The following PPP2R3A variants were observed in gnomAD, a reference collection of about 807,000 sequenced individuals.
PPP2R3A encodes protein phosphatase 2 regulatory subunit B''alpha.
PPP2R3A carries 80 observed loss-of-function variants against 106.9 expected under a neutral mutation model. The observed-to-expected ratio is 0.75, with a 90% CI of 0.62 to 0.90. PPP2R3A has a LOEUF of 0.90. PPP2R3A is among the 40% of genes least tolerant of loss of function. The pLI is 0.00. For missense variants in PPP2R3A, 1,386 were observed against 1,350.4 expected, an observed-to-expected ratio of 1.03 and a Z score of -0.41; for synonymous variants, 483 against 468.3, an observed-to-expected ratio of 1.03 and a Z score of -0.41.
intron 13 of PPP2R3A, among the ~76,000 whole-genome samples, chr3:136,130,656 C>G (rs1219812187): frequency 6.6e-6 from 1 of 152,156 alleles, no homozygotes; most frequent in Non-Finnish European, 1.5e-5. Context: ...TTGGAAAAAA[C>G]TACTTTAAAA....
In PPP2R3A at chr3:136,087,906, A is replaced by C. The variant is rs1936995534; in HGVS notation, c.2812A>C (p.Arg938=). ...AGCTTCATCAAGCAGGATTATTGAA[A>C]GGATATTCTCTGGTGCAGTAACAAG... The part of the protein sequence containing the change: ...DQASSSRIIE[R]IFSGAVTRGK... The change falls in exon 9 of 14, where the codon AGG becomes CGG. Residue 938 remains arginine, a synonymous_variant. Coordinates refer to ENST00000264977, the MANE Select transcript of PPP2R3A (RefSeq NM_002718.5). The C allele has an allele frequency of 6.2e-7, 1 of 1,610,940 alleles. No individual in the cohort carries two copies.
chr3:135,991,460 TA>T (rs1933156568), intron 1 of PPP2R3A, among the ~76,000 whole-genome samples: 1 of 152,200 alleles, frequency 6.6e-6, no homozygotes, highest in Non-Finnish European at 1.5e-5. Context: ...AAGAATTTTT[TA>T]AAATTAGAAA....
intron 2 of PPP2R3A, among the ~76,000 whole-genome samples, chr3:136,019,369 A>G (rs919839170): frequency 3.2e-4 from 48 of 151,996 alleles, no homozygotes; most frequent in African/African-American, 9.4e-4. Flanking sequence ...ATGATTCTCT[A>G]TTTTTCCTCA....
chr3:136,058,642 T>G (rs570772244), intron 5 of PPP2R3A, among the ~76,000 whole-genome samples: 1 of 152,010 alleles, frequency 6.6e-6, no homozygotes, highest in Admixed American at 6.6e-5. Flanking sequence ...TTTACAGAAA[T>G]AGGAAATAGA....
intron 4 of PPP2R3A, among the ~76,000 whole-genome samples, chr3:136,042,634 G>T (rs1163544564): frequency 6.6e-6 from 1 of 152,178 alleles, no homozygotes; most frequent in Non-Finnish European, 1.5e-5. Context: ...AAAAAGCGGG[G>T]GAAAGACATG....
intron 13 of PPP2R3A, among the ~76,000 whole-genome samples, chr3:136,138,059 AAAAG>A (rs762757620): frequency 1.1e-4 from 16 of 152,188 alleles, no homozygotes; most frequent in Admixed American, 2.6e-4. Context: ...TAGGGAAAGA[AAAAG>A]AAGGAATGAC....
At chr3:136,008,360 C>T (rs1933917772) in intron 2 of PPP2R3A, among the ~76,000 whole-genome samples, 1 of 152,160 alleles carries the variant, frequency 6.6e-6, no homozygotes, top group Admixed American at 6.5e-5. Context: ...ATTCTCTCCT[C>T]CTCTCAATTG....
intron 12 of PPP2R3A, among the ~76,000 whole-genome samples, chr3:136,105,654 C>G (rs1249290026): frequency 2.7e-5 from 4 of 150,590 alleles, no homozygotes; most frequent in African/African-American, 1.0e-4. Context: ...GAGACCCTAT[C>G]TCTTTTAAAA....
At chr3:135,972,951 T>C (rs1937289622) in intron 1 of PPP2R3A, among the ~76,000 whole-genome samples, 1 of 152,222 alleles carries the variant, frequency 6.6e-6, no homozygotes, top group Admixed American at 6.5e-5. Context: ...TCGTGTGAAG[T>C]TGAATTTGTT....
chr3:136,079,002 T>G (rs938034202), intron 7 of PPP2R3A: 5 of 262,726 alleles, frequency 1.9e-5, no homozygotes, highest in Non-Finnish European at 3.1e-5. Context: ...CATGCCTGAT[T>G]GTTTAAGCTT....
intron 4 of PPP2R3A, among the ~76,000 whole-genome samples, chr3:136,044,044 T>TTA (rs1200414713): frequency 1.3e-5 from 2 of 152,180 alleles, no homozygotes; most frequent in Non-Finnish European, 1.5e-5. Flanking sequence ...CTATTCTGTT[T>TTA]TATATATATA....
At position 136,003,143 on chromosome 3, in the gene PPP2R3A, C is replaced by A; in HGVS notation, c.1645C>A (p.Gln549Lys). ...AAATAGTCACAGTCAGTTGACCGGT[C>A]AGACCCTTGTAGATCTTGAGCCTAA... is the stretch of plus-strand genomic sequence containing the variant. ...FLNSHSQLTGQTLVDLEPKSK... is the reference protein window; with the variant it reads ...FLNSHSQLTGKTLVDLEPKSK... The change falls in exon 2 of 14, where the codon CAG (glutamine) becomes AAG (lysine). Residue 549 changes from glutamine to lysine, a missense_variant. By Grantham distance (53) the Gln-to-Lys change is moderately conservative. Coordinates refer to ENST00000264977, the MANE Select transcript of PPP2R3A (RefSeq NM_002718.5). The A allele has an allele frequency of 6.2e-7, 1 of 1,613,754 alleles. No homozygotes were observed. Among genetic ancestry groups the A allele is most frequent in the Non-Finnish European group, 8.5e-7 (1 of 1,179,840 alleles).
chr3:136,003,231 C>T lies in PPP2R3A; in HGVS notation c.1733C>T (p.Thr578Ile). ...SPSCLTRIIE[T>I]NGHKIEEEDR... The stretch of plus-strand genomic sequence containing the variant: ...TCCTGTCTAACAAGGATTATTGAAA[C>T]CAATGGACACAAAATAGAGGAAGAG... The change falls in exon 2 of 14, where the codon ACC becomes ATC. Residue 578 changes from threonine (T) to isoleucine (I), a missense_variant. Coordinates refer to ENST00000264977, the MANE Select transcript of PPP2R3A (RefSeq NM_002718.5). The T allele has an allele frequency of 3.7e-6, 6 of 1,613,894 alleles. No homozygotes were observed. Among genetic ancestry groups the T allele is most frequent in the Non-Finnish European group, 4.2e-6 (5 of 1,179,888 alleles).
At chr3:136,123,464 ATTAT>A (rs1421422926) in intron 13 of PPP2R3A, among the ~76,000 whole-genome samples, 1 of 152,196 alleles carries the variant, frequency 6.6e-6, no homozygotes, top group African/African-American at 2.4e-5. Context: ...GTATAAGGAA[ATTAT>A]TTATAGATTT....
intron 1 of PPP2R3A, among the ~76,000 whole-genome samples, chr3:135,968,643 C>A (rs544484481): frequency 2.5e-4 from 35 of 139,438 alleles, no homozygotes; most frequent in Non-Finnish European, 4.2e-4. Flanking sequence ...GACGCCTGGG[C>A]CCTCCTCCAA....
intron 1 of PPP2R3A, among the ~76,000 whole-genome samples, chr3:135,978,144 A>G (rs949958821): frequency 3.9e-5 from 6 of 152,228 alleles, no homozygotes; most frequent in Non-Finnish European, 7.3e-5. Flanking sequence ...GTTTAAAAAA[A>G]TCATTATAAA....
intron 5 of PPP2R3A, among the ~76,000 whole-genome samples, chr3:136,064,502 A>C (rs538986951): frequency 6.6e-6 from 1 of 152,044 alleles, no homozygotes; most frequent in Non-Finnish European, 1.5e-5. Context: ...CTTGTTGTGG[A>C]TATGTCAGGA....
At chr3:136,103,512 G>A in intron 12 of PPP2R3A, 136 bp downstream of exon 12, 1 of 646,072 alleles carries the variant, frequency 1.5e-6, no homozygotes, top group Non-Finnish European at 2.6e-6. Flanking sequence ...AGACTAAAAA[G>A]AGACAATAAA....
intron 8 of PPP2R3A, among the ~76,000 whole-genome samples, chr3:136,086,543 G>C (rs931072769): frequency 3.9e-5 from 6 of 152,070 alleles, no homozygotes; most frequent in Non-Finnish European, 8.8e-5. Flanking sequence ...AGAATAACAT[G>C]ATCTTCAATT....
Sources: gnomAD v4.1 joint callset for allele counts (sites outside exome capture counted in the v4.1 genomes callset) on GRCh38, gnomAD v4.1.1 for gene constraint, MANE v1.5 for transcripts, NCBI Gene and HGNC (gene_info 2026-07-23, HGNC 2026-07-21) for gene names.